COL21A1: variants seen among roughly 807,000 people sequenced by gnomAD.
COL21A1 encodes the protein collagen alpha-1(XXI) chain.
In COL21A1, 149 loss-of-function variants were observed where a neutral mutation model predicts 137.9. That is an observed-to-expected ratio of 1.08 (90% CI 0.95 to 1.24). The LOEUF (loss-of-function observed/expected upper bound fraction) is 1.24. COL21A1 is among the 50% of genes most tolerant of loss of function. The pLI, the probability that COL21A1 is intolerant of heterozygous loss-of-function variation, is 0.00. For synonymous variants in COL21A1, 456 were observed against 391.5 expected (o/e 1.16, Z -1.95); for missense variants, 1,167 against 1,158.4 (o/e 1.01, Z -0.11).
intron 10 of COL21A1, among the ~76,000 whole-genome samples, chr6:56,149,503 T>C (rs895469220): frequency 6.6e-6 from 1 of 152,178 alleles, no homozygotes; most frequent in African/African-American, 2.4e-5. Context: ...AAAAGATACT[T>C]CACAAGAAGA....
intron 10 of COL21A1, among the ~76,000 whole-genome samples, chr6:56,153,291 T>G (rs1202170043): frequency 1.3e-5 from 2 of 152,172 alleles, no homozygotes; most frequent in Non-Finnish European, 2.9e-5. Flanking sequence ...GCTTGACTTC[T>G]GTCTCATATA....
At chr6:56,317,424 T>G (rs1175278518) in intron 1 of COL21A1, among the ~76,000 whole-genome samples, 1 of 152,190 alleles carries the variant, frequency 6.6e-6, no homozygotes, top group Non-Finnish European at 1.5e-5. Context: ...TGCAGTCATC[T>G]TCAGACCCCT....
intron 1 of COL21A1, among the ~76,000 whole-genome samples, chr6:56,223,531 T>A: frequency 6.6e-6 from 1 of 152,150 alleles, no homozygotes; most frequent in African/African-American, 2.4e-5. Flanking sequence ...TTAGCACATT[T>A]GTTTAATGTG....
At chr6:56,153,160 G>A (rs536996614) in intron 10 of COL21A1, among the ~76,000 whole-genome samples, 1 of 152,286 alleles carries the variant, frequency 6.6e-6, no homozygotes, top group East Asian at 1.9e-4. Context: ...TACAAAAGAG[G>A]AGAGGTTAGG....
At chr6:56,257,452 T>A (rs1298316333) in intron 1 of COL21A1, among the ~76,000 whole-genome samples, 1 of 152,096 alleles carries the variant, frequency 6.6e-6, no homozygotes, top group East Asian at 1.9e-4. Context: ...GGCAAATATT[T>A]ATATGCAAGA....
At chr6:56,115,226 A>G (rs2152196109) in intron 16 of COL21A1, among the ~76,000 whole-genome samples, 1 of 151,912 alleles carries the variant, frequency 6.6e-6, no homozygotes, top group Admixed American at 6.6e-5. Context: ...GCGCACCAGC[A>G]TGGCACACGT....
At chr6:56,259,236 C>G (rs1763189593) in intron 1 of COL21A1, among the ~76,000 whole-genome samples, 1 of 152,150 alleles carries the variant, frequency 6.6e-6, no homozygotes, top group South Asian at 2.1e-4. Context: ...ACAGAACCAT[C>G]CTGGCCTGGA....
Position 56,179,886 on chromosome 6 carries a change from C to T in COL21A1, c.332G>A (p.Gly111Glu), listed in dbSNP as rs1777767306. The T allele has an allele frequency of 6.2e-7, 1 of 1,613,802 alleles. No individual in the cohort carries two copies. Among genetic ancestry groups the T allele is most frequent in the Non-Finnish European group, 8.5e-7 (1 of 1,179,872 alleles). The change falls in exon 3 of 30, where the codon GGA (glycine) becomes GAA (glutamate). Residue 111 changes from glycine (G) to glutamate (E), a missense_variant. Transcript: ENST00000244728. ...GGCCTTCCCTGTCTTTGTGTTTCCT[C>T]CTAAGTAGAGTATGGATTCCACTGC... ...TAAVESILYL[G>E]GNTKTGKAIQ...
chr6:56,192,987 T>C (rs1215803330), intron 1 of COL21A1, among the ~76,000 whole-genome samples: 2 of 152,092 alleles, frequency 1.3e-5, no homozygotes, highest in Non-Finnish European at 2.9e-5. Context: ...TATGCAGCCA[T>C]AAAAAAGGAT....
At chr6:56,307,357 G>A (rs529898668) in intron 1 of COL21A1, among the ~76,000 whole-genome samples, 65 of 152,364 alleles carry the variant, frequency 4.3e-4, no homozygotes, top group African/African-American at 1.5e-3. Context: ...TCCTTAAGCT[G>A]CAGTGGGCTC....
intron 9 of COL21A1, among the ~76,000 whole-genome samples, chr6:56,163,168 C>T (rs1402189491): frequency 6.6e-6 from 1 of 152,060 alleles, no homozygotes; most frequent in East Asian, 1.9e-4. Flanking sequence ...TCTAAATGAA[C>T]ATTACGATTC....
upstream of COL21A1, among the ~76,000 whole-genome samples, chr6:56,250,345 G>T (rs532557740): frequency 6.6e-6 from 1 of 152,332 alleles, no homozygotes; most frequent in Admixed American, 6.5e-5. Flanking sequence ...AAGCAGAGAG[G>T]TTTCCTCACA....
rs569784958 is a variant in COL21A1, at chr6:56,189,188, T to C, written c.-38-6532A>G. 8.9e-4 allele frequency among the ~76,000 whole-genome samples: 135 copies of C among 152,046 alleles called. 1 individual carries two copies. Among genetic ancestry groups the C allele is most frequent in the Admixed American group, 7.2e-4 (11 of 15,266 alleles). On this transcript the variant is annotated intron_variant, in intron 1 of 29. Coordinates refer to ENST00000244728, the MANE Select transcript of COL21A1 (RefSeq NM_030820.4). ...ACTCCTTCAAGCTAAAGGAGCATGT[T>C]CTAACCCAATGTAAGGAAGCTAAGA...
chr6:56,086,034 T>C (rs1748750151), intron 17 of COL21A1, among the ~76,000 whole-genome samples: 1 of 150,946 alleles, frequency 6.6e-6, no homozygotes, highest in South Asian at 2.1e-4. Flanking sequence ...CTGAAAACTA[T>C]CTGTATTATA....
chr6:56,070,982 G>A (rs952217431), intron 20 of COL21A1, among the ~76,000 whole-genome samples, 184 bp from the exon 21 acceptor site: 1 of 151,516 alleles, frequency 6.6e-6, no homozygotes, highest in Non-Finnish European at 1.5e-5. Context: ...AGGCAAGGAA[G>A]GGGTTCCACA....
chr6:56,170,679 T>C lies in COL21A1; in HGVS notation c.996A>G (p.Gln332=). 6.2e-7 allele frequency: 1 copy of C among 1,601,116 alleles called. No homozygotes were observed. Among genetic ancestry groups the C allele is most frequent in the Non-Finnish European group, 8.5e-7 (1 of 1,172,202 alleles). Residue 332 remains glutamine (Q), a synonymous_variant, in exon 5 of 30, where the codon CAA becomes CAG. Coordinates refer to ENST00000244728, the MANE Select transcript of COL21A1 (RefSeq NM_030820.4). ...FTTTSVINGS[Q]VVTFANPQVK... ...CTTGAGGGTTAGCAAAGGTAACCACTTGTGAGCCATTAATTACGCTGGTTG... is the reference window on the plus strand; with the variant it reads ...CTTGAGGGTTAGCAAAGGTAACCACCTGTGAGCCATTAATTACGCTGGTTG...
At chr6:56,187,827 T>A (rs929110428) in intron 1 of COL21A1, among the ~76,000 whole-genome samples, 1 of 152,186 alleles carries the variant, frequency 6.6e-6, no homozygotes, top group African/African-American at 2.4e-5. Flanking sequence ...TACATGAGAT[T>A]TCATCAAAAT....
intron 1 of COL21A1, among the ~76,000 whole-genome samples, chr6:56,360,363 T>C (rs1179174280): frequency 6.6e-6 from 1 of 152,160 alleles, no homozygotes; most frequent in Non-Finnish European, 1.5e-5. Context: ...ATGTGCATGA[T>C]ACTGAGATTA....
At chr6:56,200,085 A>G (rs1471248872) in intron 1 of COL21A1, among the ~76,000 whole-genome samples, 1 of 152,168 alleles carries the variant, frequency 6.6e-6, no homozygotes, top group African/African-American at 2.4e-5. Flanking sequence ...ACACTTGATC[A>G]GATCTGGGGA....
Sources: allele counts gnomAD v4.1 joint callset (sites outside exome capture counted in the v4.1 genomes callset), GRCh38; gene constraint gnomAD v4.1.1; transcripts MANE v1.5; gene names NCBI Gene and HGNC (gene_info 2026-07-23, HGNC 2026-07-21).